MAD1L1: variants seen among roughly 807,000 people sequenced by gnomAD.
MAD1L1 encodes the protein mitotic spindle assembly checkpoint protein MAD1.
Under a neutral mutation model 96.9 loss-of-function variants are expected in MAD1L1, and 95 were observed. That is an observed-to-expected ratio of 0.98 (90% CI 0.83 to 1.16). The LOEUF (loss-of-function observed/expected upper bound fraction) is 1.16. Ranked by LOEUF, MAD1L1 falls within the 50% of genes most tolerant of loss-of-function variation. The pLI, the probability that MAD1L1 is intolerant of heterozygous loss-of-function variation, is 0.00. For missense variants in MAD1L1, 1,007 were observed against 954.4 expected (o/e 1.06, Z -0.73); for synonymous variants, 473 against 396.6 (o/e 1.19, Z -2.29).
chr7:1,990,564 A>G (rs913112375), intron 14 of MAD1L1, among the ~76,000 whole-genome samples: 1 of 152,236 alleles, frequency 6.6e-6, no homozygotes, highest in Non-Finnish European at 1.5e-5. Context: ...CCTCAGAAAA[A>G]AACAGCCCAG....
rs567963379 is a variant in MAD1L1, at chr7:2,146,860, G to A, written c.1073+2292C>T. Reference sequence around the variant, plus strand: ...CTCCCTGACCCCGCCACGGCAGGCCGCGACGAACACGGTGTCCCGCCACGG... The same window carrying A: ...CTCCCTGACCCCGCCACGGCAGGCCACGACGAACACGGTGTCCCGCCACGG... On this transcript the variant is annotated intron_variant, in intron 11 of 18. Transcript: ENST00000265854. The surrounding 1 kb of genome is among the most constrained non-coding windows in gnomAD (Gnocchi z 6.2). Among the ~76,000 whole-genome samples the A allele has an allele frequency of 7.6e-4, 115 of 152,306 alleles. No homozygotes were observed. Among genetic ancestry groups the A allele is most frequent in the African/African-American group, 2.6e-3 (108 of 41,566 alleles).
chr7:1,916,440 G>A (rs1160264558), intron 17 of MAD1L1, among the ~76,000 whole-genome samples: 1 of 152,156 alleles, frequency 6.6e-6, no homozygotes, highest in Non-Finnish European at 1.5e-5. Context: ...ACAGAAAGAG[G>A]AGCAAAACAC....
chr7:2,048,858 C>A (rs936635948), intron 12 of MAD1L1, among the ~76,000 whole-genome samples: 1 of 152,206 alleles, frequency 6.6e-6, no homozygotes, highest in African/African-American at 2.4e-5. Context: ...CAGGCCTTCT[C>A]GAGGCGAAGA....
intron 11 of MAD1L1, among the ~76,000 whole-genome samples, chr7:2,115,226 G>A (rs1787605653): frequency 6.6e-6 from 1 of 151,990 alleles, no homozygotes. Flanking sequence ...TCCGGGGTCA[G>A]AGGAGGCGCT....
chr7:2,133,143 C>T (rs965681732), intron 11 of MAD1L1, among the ~76,000 whole-genome samples: 1 of 148,258 alleles, frequency 6.7e-6, no homozygotes, highest in African/African-American at 2.5e-5. Context: ...CAATGCTGAG[C>T]ATCTCCTCAT....
chr7:1,969,446 G>A (rs1780312317), intron 15 of MAD1L1, among the ~76,000 whole-genome samples: 1 of 152,088 alleles, frequency 6.6e-6, no homozygotes, highest in Non-Finnish European at 1.5e-5. Flanking sequence ...ATGGTGAAAG[G>A]CTAAAAGCTT....
intron 10 of MAD1L1, among the ~76,000 whole-genome samples, chr7:2,211,490 G>A (rs905081479): frequency 2.0e-4 from 31 of 152,250 alleles, no homozygotes; most frequent in African/African-American, 7.2e-4. Context: ...CTCCAGCAGG[G>A]CCGGGCCCAT....
chr7:2,118,021 TGG>T (rs1048467903), intron 11 of MAD1L1, among the ~76,000 whole-genome samples: 5 of 152,198 alleles, frequency 3.3e-5, no homozygotes, highest in African/African-American at 1.2e-4. Context: ...TCCCTCAGCA[TGG>T]GGCAGGACAG....
chr7:2,018,806 G>T (rs1782654934), intron 12 of MAD1L1, among the ~76,000 whole-genome samples: 1 of 152,028 alleles, frequency 6.6e-6, no homozygotes, highest in African/African-American at 2.4e-5. Context: ...CAGTGCTGTG[G>T]AGCCTGCCTC....
At chr7:1,898,433 C>G (rs768067739) in intron 17 of MAD1L1, 43 bp from the exon 18 acceptor site, 2 of 1,583,234 alleles carry the variant, frequency 1.3e-6, no homozygotes. Context: ...GGCACCAGGC[C>G]GGAGGGGTGG....
Position 2,215,944 on chromosome 7 carries a change from T to TCTCCTGGCG in MAD1L1, c.864_865insCGCCAGGAG (p.Arg288_Lys289insArgGlnGlu). 1 of 1,614,184 alleles carries TCTCCTGGCG rather than the reference T, an allele frequency of 6.2e-7. No individual in the cohort carries two copies. Among genetic ancestry groups the TCTCCTGGCG allele is most frequent in the Non-Finnish European group, 8.5e-7 (1 of 1,180,028 alleles). On this transcript the variant is annotated inframe_insertion, in exon 9 of 19. Coordinates refer to ENST00000265854, the MANE Select transcript of MAD1L1 (RefSeq NM_001013836.2). ...TGCATCTTCTCCTGGCGCCCCAGCT[T>TCTCCTGGCG]CCTCTGCAGCCCTTCCAGCTCTTCC...
intron 17 of MAD1L1, among the ~76,000 whole-genome samples, chr7:1,927,534 A>G (rs1454999548): frequency 2.0e-5 from 3 of 152,232 alleles, no homozygotes; most frequent in Non-Finnish European, 2.9e-5. Flanking sequence ...AGAGACCCCC[A>G]TAACGCATGG....
At chr7:1,980,368 T>C (rs1780839349) in intron 15 of MAD1L1, 85 bp downstream of exon 15, 4 of 1,123,650 alleles carry the variant, frequency 3.6e-6, no homozygotes, top group Middle Eastern at 2.4e-4. Context: ...ATCTGCCTCC[T>C]CCCCCGCAGG....
At chr7:2,164,446 C>A (rs1790319206) in intron 10 of MAD1L1, among the ~76,000 whole-genome samples, 1 of 152,192 alleles carries the variant, frequency 6.6e-6, no homozygotes, top group Non-Finnish European at 1.5e-5. Context: ...AACCCTGGAC[C>A]CCTGTGACGG....
chr7:2,161,684 C>T (rs1413293816), intron 10 of MAD1L1, among the ~76,000 whole-genome samples: 2 of 151,574 alleles, frequency 1.3e-5, no homozygotes, highest in African/African-American at 2.4e-5. Context: ...GGCCGCCCAT[C>T]GTCTGGGATG....
intron 18 of MAD1L1, among the ~76,000 whole-genome samples, chr7:1,842,532 C>T (rs547812118): frequency 4.6e-5 from 7 of 152,398 alleles, no homozygotes; most frequent in Non-Finnish European, 7.3e-5. Context: ...CACAATGCCG[C>T]GTGCTCACTG....
intron 12 of MAD1L1, among the ~76,000 whole-genome samples, chr7:2,045,304 C>T (rs1783873182): frequency 6.6e-6 from 1 of 152,124 alleles, no homozygotes; most frequent in African/African-American, 2.4e-5. Context: ...CGTGAGATAC[C>T]CCACGTCCCT....
intron 4 of MAD1L1, among the ~76,000 whole-genome samples, chr7:2,224,581 G>A (rs1002812906): frequency 1.3e-5 from 2 of 152,162 alleles, no homozygotes; most frequent in Non-Finnish European, 2.9e-5. Context: ...GGGCCCAGGA[G>A]AGTGTGTGAA....
intron 10 of MAD1L1, among the ~76,000 whole-genome samples, chr7:2,207,522 C>T (rs1265144403): frequency 6.6e-6 from 1 of 152,154 alleles, no homozygotes; most frequent in Non-Finnish European, 1.5e-5. Context: ...TAAAAACCCA[C>T]AAATAAGGCC....
Sources: allele counts gnomAD v4.1 joint callset (sites outside exome capture counted in the v4.1 genomes callset), GRCh38; gene constraint gnomAD v4.1.1; non-coding constraint Gnocchi (gnomAD v3.1); transcripts MANE v1.5; gene names NCBI Gene and HGNC (gene_info 2026-07-23, HGNC 2026-07-21).